RAMP1: variants seen among roughly 807,000 people sequenced by gnomAD.
RAMP1 encodes the protein receptor activity-modifying protein 1.
In RAMP1, 7 loss-of-function variants were observed where a neutral mutation model predicts 8.2. The observed-to-expected ratio is 0.85, with a 90% CI of 0.49 to 1.60. The LOEUF (loss-of-function observed/expected upper bound fraction) is 1.60, where lower values mean the gene tolerates loss of function less well. Ranked by LOEUF, RAMP1 falls within the 40% of genes most tolerant of loss-of-function variation. The pLI is 0.00. For missense variants in RAMP1, 192 were observed against 202.4 expected, an observed-to-expected ratio of 0.95 and a Z score of 0.31; for synonymous variants, 92 against 84.7, an observed-to-expected ratio of 1.09 and a Z score of -0.47.
chr2:237,887,951 T>C (rs1219639037), intron 2 of RAMP1, among the ~76,000 whole-genome samples: 1 of 152,186 alleles, frequency 6.6e-6, no homozygotes, highest in African/African-American at 2.4e-5. Context: ...TGTGTACATA[T>C]ATCCTTTGTT....
chr2:237,876,136 G>A (rs879927429), intron 1 of RAMP1, among the ~76,000 whole-genome samples: 7 of 152,148 alleles, frequency 4.6e-5, no homozygotes, highest in African/African-American at 1.4e-4. Context: ...GTTCCTCTGC[G>A]TTTTACTCAG....
At chr2:237,895,224 C>T in intron 2 of RAMP1, among the ~76,000 whole-genome samples, 1 of 152,146 alleles carries the variant, frequency 6.6e-6, no homozygotes, top group Non-Finnish European at 1.5e-5. Flanking sequence ...GGGCTCCCAT[C>T]CAAAGGCAGG....
At position 237,882,844 on chromosome 2, in the gene RAMP1, T is replaced by TGTGGGCCATCACCAGGTGTGGGCAGGC. The variant is rs879283395; in HGVS notation, c.191+5483_191+5484insTGGGCCATCACCAGGTGTGGGCAGGCG. On this transcript the variant is annotated intron_variant, in intron 2 of 2. Transcript: ENST00000254661. ...CAGGCCATCACCAGGTGTGGGCAGGTGGCACTGTGTCTGTTGGATGAGCGG... is the reference window on the plus strand; with the variant it reads ...CAGGCCATCACCAGGTGTGGGCAGGTGTGGGCCATCACCAGGTGTGGGCAGGCGGCACTGTGTCTGTTGGATGAGCGG... Among the ~76,000 whole-genome samples, 66 of 151,936 alleles carry TGTGGGCCATCACCAGGTGTGGGCAGGC rather than the reference T, an allele frequency of 4.3e-4. 1 individual carries two copies. Among genetic ancestry groups the TGTGGGCCATCACCAGGTGTGGGCAGGC allele is most frequent in the African/African-American group, 1.6e-3 (65 of 41,364 alleles).
chr2:237,869,706 AG>A (rs1366160925), intron 1 of RAMP1, among the ~76,000 whole-genome samples: 1 of 152,224 alleles, frequency 6.6e-6, no homozygotes, highest in African/African-American at 2.4e-5. Flanking sequence ...GTTGTGAATC[AG>A]GCTGCTGTGA....
At chr2:237,875,292 C>T (rs2062290784) in intron 1 of RAMP1, among the ~76,000 whole-genome samples, 1 of 152,142 alleles carries the variant, frequency 6.6e-6, no homozygotes, top group Non-Finnish European at 1.5e-5. Flanking sequence ...AAGGTGCACT[C>T]ACAGTGCTGG....
At chr2:237,894,605 C>A (rs1188318278) in intron 2 of RAMP1, among the ~76,000 whole-genome samples, 1 of 152,176 alleles carries the variant, frequency 6.6e-6, no homozygotes, top group Non-Finnish European at 1.5e-5. Context: ...GGGGTGAGAC[C>A]CCCCTGCCAC....
At chr2:237,909,380 G>C (rs577446929) in intron 2 of RAMP1, among the ~76,000 whole-genome samples, 2 of 152,152 alleles carry the variant, frequency 1.3e-5, no homozygotes, top group Non-Finnish European at 2.9e-5. Context: ...GTCATGCAGG[G>C]GTACCCAGTG....
At chr2:237,894,864 C>A (rs903420268) in intron 2 of RAMP1, among the ~76,000 whole-genome samples, 10 of 152,314 alleles carry the variant, frequency 6.6e-5, no homozygotes, top group African/African-American at 1.9e-4. Flanking sequence ...GGAGGTGAGA[C>A]AAAGCGTTGC....
intron 2 of RAMP1, among the ~76,000 whole-genome samples, chr2:237,904,010 T>A (rs6715751): frequency 0.09 from 13,686 of 152,212 alleles, 790 homozygotes; most frequent in African/African-American, 0.16. Flanking sequence ...CAGCGTTGGG[T>A]TTACACGTGT....
chr2:237,885,143 A>T (rs2151013147), intron 2 of RAMP1, among the ~76,000 whole-genome samples: 1 of 152,352 alleles, frequency 6.6e-6, no homozygotes, highest in Admixed American at 6.5e-5. Flanking sequence ...AAGTCAGGAA[A>T]TTCTTCAGAA....
At chr2:237,872,278 A>T (rs2062254192) in intron 1 of RAMP1, among the ~76,000 whole-genome samples, 1 of 152,168 alleles carries the variant, frequency 6.6e-6, no homozygotes, top group South Asian at 2.1e-4. Flanking sequence ...TGCTCTATCC[A>T]GTCCATGCCC....
In RAMP1 at chr2:237,859,745, T is replaced by C. The variant is rs1348313100; in HGVS notation, c.52+18T>C. ...GCTCCTGGGTGAGTAGGTCCAGGGGTCCCGGCCGAGCTCCCTTCCCCTGGC... is the reference window on the plus strand; with the variant it reads ...GCTCCTGGGTGAGTAGGTCCAGGGGCCCCGGCCGAGCTCCCTTCCCCTGGC... On this transcript the variant is annotated intron_variant, in intron 1 of 2. Transcript: ENST00000254661. 6.7e-7 allele frequency: 1 copy of C among 1,490,478 alleles called. No individual in the cohort carries two copies. The highest frequency in any genetic ancestry group is 8.9e-7 in the Non-Finnish European group (1 of 1,118,432). The allele number at this position is 1,490,478 out of a possible 1,614,324, so 92.3% of individuals were successfully genotyped here. A position where few individuals can be genotyped will look rare whatever the true frequency, so the allele number is the denominator to read the frequency against.
In RAMP1 at chr2:237,911,524, G is replaced by C. The variant is rs375262752; in HGVS notation, c.192-4G>C. ...GGTCTTACCACCTCCTCTTCCATCC[G>C]CAGGAGCTACAGGGAGCTGGCCGAC... On this transcript the variant is annotated splice_region_variant and splice_polypyrimidine_tract_variant and intron_variant, in intron 2 of 2. Transcript: ENST00000254661. 1 of 1,613,590 alleles carries C rather than the reference G, an allele frequency of 6.2e-7. No individual in the cohort carries two copies. The highest frequency in any genetic ancestry group is 8.5e-7 in the Non-Finnish European group (1 of 1,179,776).
At chr2:237,873,097 T>C (rs775950960) in intron 1 of RAMP1, among the ~76,000 whole-genome samples, 6 of 152,232 alleles carry the variant, frequency 3.9e-5, no homozygotes, top group Non-Finnish European at 8.8e-5. Flanking sequence ...CTGCAGCTAC[T>C]AGCATCCTGG....
chr2:237,877,194 G>T lies in RAMP1; in HGVS notation c.53-30G>T, dbSNP rs375505993. ...TACCCCTAGGCCTCTGCTGCCGCCC[G>T]CCATCTCTTCATGGCCGTGTCTATT... On this transcript the variant is annotated intron_variant, in intron 1 of 2. Transcript: ENST00000254661. This position sits in a 1 kb window ranked among gnomAD's most constrained non-coding sequence, Gnocchi z 4.4. The T allele has an allele frequency of 1.9e-6, 3 of 1,612,738 alleles. No homozygotes were observed. The highest frequency in any genetic ancestry group is 1.7e-5 in the Admixed American group (1 of 60,010).
chr2:237,864,130 AG>A (rs2062159944), intron 1 of RAMP1, among the ~76,000 whole-genome samples: 1 of 151,952 alleles, frequency 6.6e-6, no homozygotes, highest in African/African-American at 2.4e-5. Context: ...CGGGGGCAGG[AG>A]GGGAGGCAGA....
At chr2:237,890,748 C>A (rs577105278) in intron 2 of RAMP1, among the ~76,000 whole-genome samples, 12 of 151,812 alleles carry the variant, frequency 7.9e-5, no homozygotes, top group Non-Finnish European at 1.3e-4. Context: ...TGTTTAATAT[C>A]CCTTAGACTC....
At chr2:237,893,072 T>C (rs1346681001) in intron 2 of RAMP1, among the ~76,000 whole-genome samples, 9 of 152,174 alleles carry the variant, frequency 5.9e-5, no homozygotes, top group Admixed American at 5.9e-4. Flanking sequence ...GCCATGTGAT[T>C]AATACATTCT....
At chr2:237,908,258 G>A (rs962703926) in intron 2 of RAMP1, among the ~76,000 whole-genome samples, 6 of 152,150 alleles carry the variant, frequency 3.9e-5, no homozygotes, top group Non-Finnish European at 8.8e-5. Context: ...TCAAGGCTTG[G>A]GGTGGGTTCT....
Sources: allele counts gnomAD v4.1 joint callset (sites outside exome capture counted in the v4.1 genomes callset), GRCh38; gene constraint gnomAD v4.1.1; non-coding constraint Gnocchi (gnomAD v3.1); transcripts MANE v1.5; gene names NCBI Gene and HGNC (gene_info 2026-07-23, HGNC 2026-07-21).